Variants in DNAH3 observed in about 807,000 individuals in gnomAD.
DNAH3 encodes the protein axonemal beta dynein heavy chain 3.
In DNAH3, 332 loss-of-function variants were observed where a neutral mutation model predicts 432.5. The observed-to-expected ratio is 0.77, with a 90% confidence interval of 0.70 to 0.84. The LOEUF (loss-of-function observed/expected upper bound fraction) is 0.84, where lower values mean the gene tolerates loss of function less well. DNAH3 is among the 40% of genes least tolerant of loss of function. The probability of loss-of-function intolerance (pLI) is 0.00; values close to 1 mark genes in which losing one functional copy is unlikely to be tolerated. For missense variants in DNAH3, 4,861 were observed against 5,114.0 expected, an observed-to-expected ratio of 0.95 and a Z score of 1.51; for synonymous variants, 1,956 against 1,900.2, an observed-to-expected ratio of 1.03 and a Z score of -0.76.
chr16:21,004,952 C>G (rs918165312), intron 41 of DNAH3, among the ~76,000 whole-genome samples: 5 of 152,112 alleles, frequency 3.3e-5, no homozygotes, highest in Non-Finnish European at 7.4e-5. Flanking sequence ...TGTCAGGGTT[C>G]ATATTCATTT....
intron 44 of DNAH3, among the ~76,000 whole-genome samples, chr16:20,995,106 T>G (rs1444825473): frequency 2.0e-5 from 3 of 152,012 alleles, no homozygotes; most frequent in East Asian, 3.8e-4. Flanking sequence ...CAGATAATTT[T>G]TTGTTGTTGT....
At chr16:20,993,802 GC>G (rs1321788559) in intron 44 of DNAH3, among the ~76,000 whole-genome samples, 1 of 151,976 alleles carries the variant, frequency 6.6e-6, no homozygotes, top group African/African-American at 2.4e-5. Context: ...TCCCACCTTA[GC>G]CTCCTGAGTA....
intron 53 of DNAH3, among the ~76,000 whole-genome samples, chr16:20,959,610 A>AAC (rs55757849): frequency 0.14 from 19,599 of 137,350 alleles, 1,332 homozygotes; most frequent in African/African-American, 0.18. Flanking sequence ...TCTCTATTTA[A>AAC]ACACACACAC....
chr16:21,076,548 C>T (rs776064085), intron 20 of DNAH3, among the ~76,000 whole-genome samples: 50 of 152,150 alleles, frequency 3.3e-4, no homozygotes, highest in Non-Finnish European at 5.7e-4. Context: ...GTCACTCACG[C>T]TAAATGGCAT....
chr16:21,102,098 A>T (rs1177369442), intron 16 of DNAH3, among the ~76,000 whole-genome samples: 1 of 152,168 alleles, frequency 6.6e-6, no homozygotes, highest in African/African-American at 2.4e-5. Context: ...TTAATGCAAC[A>T]TGATGGACAT....
At chr16:21,062,877 G>A (rs1169792047) in intron 24 of DNAH3, 194 bp from the exon 25 acceptor site, 2 of 584,168 alleles carry the variant, frequency 3.4e-6, no homozygotes, top group Non-Finnish European at 6.1e-6. Context: ...CTTAAGAGAT[G>A]AGGTCTTGCC....
intron 27 of DNAH3, among the ~76,000 whole-genome samples, chr16:21,056,972 C>T (rs1196619447): frequency 1.3e-5 from 2 of 152,160 alleles, no homozygotes; most frequent in African/African-American, 4.8e-5. Context: ...TATTAATGTT[C>T]TAATTTCAAT....
At chr16:20,963,993 C>T in exon 53 of DNAH3, 1 of 1,614,168 alleles carries the variant, frequency 6.2e-7, no homozygotes, top group Non-Finnish European at 8.5e-7. Flanking sequence ...AATGCACAGC[C>T]ACTGGCTTGT....
At position 21,094,667 on chromosome 16, in the gene DNAH3, AAT is replaced by A. The variant is rs143303681; in HGVS notation, c.2665+2686_2665+2687del. On this transcript the variant is annotated intron_variant, in intron 18 of 61. Coordinates refer to ENST00000261383, the Ensembl canonical transcript of DNAH3. Reference sequence around the variant, plus strand: ...TATGACAAAGTGACACTCCATCTCAAATATATATATATATATGGACAATAATA... The same window carrying A: ...TATGACAAAGTGACACTCCATCTCAAATATATATATATATGGACAATAATA... Among the ~76,000 whole-genome samples, 43 of 149,134 alleles carry A rather than the reference AAT, an allele frequency of 2.9e-4. No individual in the cohort carries two copies. In the East Asian group the frequency reaches 4.7e-3, roughly 16 times the overall value.
rs34199213 is a variant in DNAH3, at chr16:21,156,996, A to AACACACACACACACACACACAC, written c.117+2307_117+2328dup. Reference sequence around the variant, plus strand: ...TGATTGGAAGGCTGTAATCTAAGGAAACACACACACACACACACACACACA... The same window carrying AACACACACACACACACACACAC: ...TGATTGGAAGGCTGTAATCTAAGGAAACACACACACACACACACACACACACACACACACACACACACACACA... On this transcript the variant is annotated intron_variant, in intron 1 of 61. Transcript: ENST00000261383. Among the ~76,000 whole-genome samples the AACACACACACACACACACACAC allele has an allele frequency of 4.7e-4, 70 of 147,536 alleles. 1 individual carries two copies. The highest frequency in any genetic ancestry group is 1.6e-3 in the African/African-American group (64 of 39,680).
chr16:21,074,297 G>A (rs768631692), intron 21 of DNAH3, among the ~76,000 whole-genome samples: 160 of 152,266 alleles, frequency 1.1e-3, no homozygotes, highest in Middle Eastern at 0.01. Context: ...GAAAAACCAG[G>A]GGTGCCTGAA....
intron 1 of DNAH3, among the ~76,000 whole-genome samples, chr16:21,153,921 C>T (rs141040475): frequency 2.1e-4 from 32 of 152,308 alleles, no homozygotes; most frequent in African/African-American, 7.2e-4. Context: ...CTGAGCTTTT[C>T]CATCTCTTAT....
At chr16:21,141,457 G>T in intron 3 of DNAH3, 85 bp from the exon 5 acceptor site, 2 of 991,510 alleles carry the variant, frequency 2.0e-6, no homozygotes, top group Non-Finnish European at 3.1e-6. Flanking sequence ...TCTCGGAACA[G>T]TCCAGGAGCA....
chr16:20,985,086 A>G (rs2086123641), exon 48 of DNAH3: 1 of 1,611,764 alleles, frequency 6.2e-7, no homozygotes, highest in East Asian at 2.2e-5. Context: ...CCCTCTCAAT[A>G]AAGAAGTTAT....
At chr16:20,957,517 T>C (rs2084615619) in intron 54 of DNAH3, among the ~76,000 whole-genome samples, 1 of 152,028 alleles carries the variant, frequency 6.6e-6, no homozygotes, top group Non-Finnish European at 1.5e-5. Flanking sequence ...TGCCCTGGTA[T>C]AAGAGAATCC....
chr16:21,154,232 C>T (rs921807709), intron 1 of DNAH3, among the ~76,000 whole-genome samples: 50 of 152,270 alleles, frequency 3.3e-4, no homozygotes, highest in African/African-American at 1.2e-3. Context: ...GGTGAAACCC[C>T]GTCTCTACTA....
rs1261597306 is a variant in DNAH3 at position 21,138,825 on chromosome 16, A to AC, written c.696+1710_696+1711insG. On this transcript the variant is annotated intron_variant, in intron 5 of 61. Coordinates refer to ENST00000261383, the Ensembl canonical transcript of DNAH3. Reference sequence around the variant, plus strand: ...ACTCCCTCTAATAAAAAAAAAAAACAACACAGAGACTTTGGTATCAGCCAG... The same window carrying AC: ...ACTCCCTCTAATAAAAAAAAAAAACACACACAGAGACTTTGGTATCAGCCAG... 2.0e-5 allele frequency among the ~76,000 whole-genome samples: 3 copies of AC among 148,224 alleles called. No homozygotes were observed. In the East Asian group the frequency reaches 5.9e-4, roughly 29 times the overall value.
exon 16 of DNAH3, chr16:21,104,507 T>C (rs1326053904): frequency 2.5e-6 from 4 of 1,613,890 alleles, no homozygotes; most frequent in African/African-American, 1.3e-5. Flanking sequence ...ATCCCTCTTG[T>C]GAAGGAGCAA....
chr16:21,099,305 G>A (rs2091777182), intron 16 of DNAH3, among the ~76,000 whole-genome samples: 1 of 152,026 alleles, frequency 6.6e-6, no homozygotes, highest in South Asian at 2.1e-4. Context: ...TGGATGGATG[G>A]TTGGATGAAT....
Sources: gnomAD v4.1 joint callset for allele counts (sites outside exome capture counted in the v4.1 genomes callset) on GRCh38, gnomAD v4.1.1 for gene constraint, MANE v1.5 for transcripts, NCBI Gene and HGNC (gene_info 2026-07-23, HGNC 2026-07-21) for gene names.